The following NUDCD3 variants were observed in gnomAD, a reference collection of about 807,000 sequenced individuals.
The protein encoded by NUDCD3 is NudC domain containing 3, also known as nudC domain-containing protein 3.
NUDCD3 carries 13 observed loss-of-function variants against 39.7 expected under a neutral mutation model. The ratio of observed to expected loss-of-function variants is 0.33; its 90% CI spans 0.21 to 0.52. The LOEUF is 0.52. Among genes scored for constraint, NUDCD3 ranks in the 20% least tolerant of loss-of-function variants. The probability of loss-of-function intolerance (pLI) is 0.96; values close to 1 mark genes in which losing one functional copy is unlikely to be tolerated. For synonymous variants in NUDCD3, 175 were observed against 172.4 expected (o/e 1.02, Z -0.12); for missense variants, 453 against 458.1 (o/e 0.99, Z 0.10).
chr7:44,451,163 A>C (rs1045384925), intron 2 of NUDCD3, among the ~76,000 whole-genome samples: 1 of 152,230 alleles, frequency 6.6e-6, no homozygotes, highest in Non-Finnish European at 1.5e-5. Flanking sequence ...AAAAGGAAGG[A>C]CATTCTACAC....
At chr7:44,399,438 C>T (rs1289520086) in intron 4 of NUDCD3, among the ~76,000 whole-genome samples, 1 of 152,198 alleles carries the variant, frequency 6.6e-6, no homozygotes, top group East Asian at 1.9e-4. Context: ...ATCTGTAGTT[C>T]CCACTCTGAG....
chr7:44,429,817 T>TG (rs1799318147), intron 2 of NUDCD3, among the ~76,000 whole-genome samples: 1 of 150,942 alleles, frequency 6.6e-6, no homozygotes, highest in Non-Finnish European at 1.5e-5. Flanking sequence ...GAAAAGAGGG[T>TG]GGGGGGAAGG....
intron 3 of NUDCD3, among the ~76,000 whole-genome samples, chr7:44,411,412 A>G (rs548080135): frequency 9.8e-5 from 15 of 152,352 alleles, no homozygotes; most frequent in African/African-American, 3.6e-4. Context: ...ATACGTAAAG[A>G]AGTCTTACAA....
chr7:44,403,659 G>C (rs975107255), intron 4 of NUDCD3, among the ~76,000 whole-genome samples: 3 of 152,236 alleles, frequency 2.0e-5, no homozygotes, highest in African/African-American at 7.2e-5. Context: ...AGCCTGCCAA[G>C]CATGTCTTAT....
rs954532132 is a variant in NUDCD3, at chr7:44,385,825, C to T, written c.*186G>A. On this transcript the variant is annotated 3_prime_UTR_variant, in exon 6 of 6. Transcript: ENST00000355451. ...CAGCGGCCACCACATAGCAGCTGGCCCCGCACCTTCTCTGGAACAGTCTGG... is the reference window on the plus strand; with the variant it reads ...CAGCGGCCACCACATAGCAGCTGGCTCCGCACCTTCTCTGGAACAGTCTGG... 4.1e-5 allele frequency: 24 copies of T among 585,818 alleles called. No homozygotes were observed. The highest frequency in any genetic ancestry group is 6.1e-5 in the Non-Finnish European group (20 of 328,054). 36.3% of individuals were successfully genotyped at this position (585,818 alleles called of 1,614,324 possible). A position where few individuals can be genotyped will look rare whatever the true frequency, so the allele number is the denominator to read the frequency against.
At chr7:44,415,566 A>G (rs1282971402) in intron 3 of NUDCD3, among the ~76,000 whole-genome samples, 24 of 152,258 alleles carry the variant, frequency 1.6e-4, no homozygotes, top group Non-Finnish European at 3.2e-4. Context: ...TTATGCATAC[A>G]CTCTTATTTG....
chr7:44,433,914 C>A (rs1157359860), intron 2 of NUDCD3, among the ~76,000 whole-genome samples: 1 of 152,154 alleles, frequency 6.6e-6, no homozygotes, highest in Non-Finnish European at 1.5e-5. Context: ...TCCTCCTGCT[C>A]CCACAAATGA....
At position 44,485,177 on chromosome 7, in the gene NUDCD3, T is replaced by A. The variant is rs776343222; in HGVS notation, c.300A>T (p.Ser100=). ...RKEEEEAKTV[S]AAAAEKEPVP... is the part of the protein sequence containing the mutation. ...CTGGCTCCTTCTCAGCTGCAGCAGC[T>A]GACACAGTCTTGGCCTCTTCCTCTT... The change falls in exon 2 of 6, where the codon TCA becomes TCT. Residue 100 remains serine (S), a synonymous_variant. Coordinates refer to ENST00000355451, the MANE Select transcript of NUDCD3 (RefSeq NM_015332.4). 3.7e-6 allele frequency: 6 copies of A among 1,614,240 alleles called. No homozygotes were observed. The South Asian group carries it at 6.6e-5, about 18-fold the overall frequency.
At chr7:44,445,929 G>A (rs1454831814) in intron 2 of NUDCD3, among the ~76,000 whole-genome samples, 1 of 152,182 alleles carries the variant, frequency 6.6e-6, no homozygotes, top group African/African-American at 2.4e-5. Flanking sequence ...CCACTAGTTG[G>A]TGATACAACC....
intron 2 of NUDCD3, among the ~76,000 whole-genome samples, chr7:44,473,781 G>A (rs1289763079): frequency 1.3e-5 from 2 of 151,994 alleles, no homozygotes; most frequent in Non-Finnish European, 2.9e-5. Flanking sequence ...AACCACATGT[G>A]GGTAATAATC....
intron 3 of NUDCD3, among the ~76,000 whole-genome samples, chr7:44,409,388 G>A (rs1333064777): frequency 6.6e-6 from 1 of 152,160 alleles, no homozygotes; most frequent in African/African-American, 2.4e-5. Flanking sequence ...AGTTCACCAA[G>A]TACAGATTTC....
intron 2 of NUDCD3, chr7:44,484,759 C>G (rs932068195): frequency 1.1e-5 from 6 of 548,382 alleles, no homozygotes; most frequent in Non-Finnish European, 1.6e-5. Context: ...GACTACTGAC[C>G]TTACCAAATG....
At chr7:44,454,620 G>A (rs1332565102) in intron 2 of NUDCD3, among the ~76,000 whole-genome samples, 1 of 152,122 alleles carries the variant, frequency 6.6e-6, no homozygotes, top group African/African-American at 2.4e-5. Context: ...AGGTTAGACT[G>A]AGTCCTTCTC....
At chr7:44,480,068 A>G (rs987168100) in intron 2 of NUDCD3, among the ~76,000 whole-genome samples, 10 of 152,232 alleles carry the variant, frequency 6.6e-5, no homozygotes, top group Non-Finnish European at 2.9e-5. Context: ...TAGAAAGGTT[A>G]GCTTTCCTGA....
intron 3 of NUDCD3, among the ~76,000 whole-genome samples, chr7:44,407,841 A>G (rs1798857823): frequency 6.6e-6 from 1 of 152,216 alleles, no homozygotes; most frequent in Non-Finnish European, 1.5e-5. Flanking sequence ...GCTGGAAGAT[A>G]AAGTCAAAGA....
chr7:44,428,123 T>TAAAAAAAAAAAAAAAA (rs55642004), intron 2 of NUDCD3, among the ~76,000 whole-genome samples: 1 of 76,102 alleles, frequency 1.3e-5, no homozygotes, highest in Non-Finnish European at 2.5e-5. Context: ...GGTCAATCTT[T>TAAAAAAAAAAAAAAAA]AAAAAAAAAA....
chr7:44,490,649 C>G lies in NUDCD3; in HGVS notation c.-49G>C. ...TTCACACACACAGCGCCGCCTCAGA[C>G]CTGCCGACTGGCCACTTCCGGCGTC... is the stretch of plus-strand genomic sequence containing the variant. On this transcript the variant is annotated 5_prime_UTR_variant, in exon 1 of 6. Coordinates refer to ENST00000355451, the MANE Select transcript of NUDCD3 (RefSeq NM_015332.4). 6.6e-7 allele frequency: 1 copy of G among 1,522,328 alleles called. No homozygotes were observed. Among genetic ancestry groups the G allele is most frequent in the South Asian group, 1.2e-5 (1 of 80,328 alleles). 94.3% of individuals were successfully genotyped at this position (1,522,328 alleles called of 1,614,324 possible).
intron 2 of NUDCD3, among the ~76,000 whole-genome samples, chr7:44,431,527 G>A (rs1799362597): frequency 6.6e-6 from 1 of 152,094 alleles, no homozygotes. Flanking sequence ...CTGCCACCAG[G>A]AGTCACTGTC....
At chr7:44,469,339 T>C (rs1188774197) in intron 2 of NUDCD3, among the ~76,000 whole-genome samples, 1 of 152,174 alleles carries the variant, frequency 6.6e-6, no homozygotes, top group African/African-American at 2.4e-5. Flanking sequence ...GAATGAGATG[T>C]TGCCCAATTC....
Sources: allele counts gnomAD v4.1 joint callset (sites outside exome capture counted in the v4.1 genomes callset), GRCh38; gene constraint gnomAD v4.1.1; transcripts MANE v1.5; gene names NCBI Gene and HGNC (gene_info 2026-07-23, HGNC 2026-07-21).